Variants in DTNA observed in about 807,000 individuals in gnomAD.
The protein encoded by DTNA is dystrobrevin alpha.
A neutral mutation model predicts 100.7 loss-of-function variants in DTNA; 43 were observed. The ratio of observed to expected loss-of-function variants is 0.43; its 90% CI spans 0.33 to 0.55. The LOEUF (loss-of-function observed/expected upper bound fraction) is 0.55. Among genes scored for constraint, DTNA ranks in the 20% least tolerant of loss-of-function variants. The pLI is 0.04. For synonymous variants in DTNA, 349 were observed against 347.9 expected (o/e 1.00, Z -0.04); for missense variants, 798 against 953.9 (o/e 0.84, Z 2.15).
chr18:34,783,200 A>G (rs1189135337), intron 3 of DTNA, among the ~76,000 whole-genome samples: 1 of 152,150 alleles, frequency 6.6e-6, no homozygotes, highest in Non-Finnish European at 1.5e-5. Flanking sequence ...ATCCTTGTTC[A>G]ATTGAATGTT....
chr18:34,506,071 A>T (rs2040459124), intron 1 of DTNA, among the ~76,000 whole-genome samples: 2 of 152,194 alleles, frequency 1.3e-5, no homozygotes, highest in Non-Finnish European at 2.9e-5. Context: ...ACTTCACATT[A>T]CTGTAGGGCA....
intron 1 of DTNA, among the ~76,000 whole-genome samples, chr18:34,622,565 G>T (rs1568045521): frequency 6.6e-6 from 1 of 152,094 alleles, no homozygotes; most frequent in Non-Finnish European, 1.5e-5. Flanking sequence ...AGTGGACTGG[G>T]TGGGGAAGAT....
At chr18:34,810,092 C>T (rs1282588597) in intron 5 of DTNA, among the ~76,000 whole-genome samples, 1 of 152,142 alleles carries the variant, frequency 6.6e-6, no homozygotes, top group Admixed American at 6.5e-5. Context: ...TTCTAAGGAT[C>T]TTAAGGGATT....
At chr18:34,495,373 C>T (rs765367801) in intron 1 of DTNA, among the ~76,000 whole-genome samples, 1 of 152,172 alleles carries the variant, frequency 6.6e-6, no homozygotes, top group African/African-American at 2.4e-5. Flanking sequence ...AGTTGCATTT[C>T]ACCATAAAGT....
chr18:34,660,364 G>A (rs2075017132), intron 1 of DTNA, among the ~76,000 whole-genome samples: 1 of 151,148 alleles, frequency 6.6e-6, no homozygotes, highest in Non-Finnish European at 1.5e-5. Context: ...GAGATCTTAA[G>A]ACTTTTTGTA....
intron 1 of DTNA, among the ~76,000 whole-genome samples, chr18:34,533,810 G>A (rs1411593959): frequency 6.6e-6 from 1 of 152,052 alleles, no homozygotes; most frequent in Admixed American, 6.6e-5. Context: ...CTTGATTGAA[G>A]CATTCTATGG....
intron 1 of DTNA, among the ~76,000 whole-genome samples, chr18:34,612,562 A>G (rs1248974368): frequency 6.6e-6 from 1 of 152,150 alleles, no homozygotes; most frequent in East Asian, 1.9e-4. Context: ...GGTAATGTCC[A>G]CTTCCATCTT....
At position 34,537,773 on chromosome 18, in the gene DTNA, A is replaced by G. The variant is rs114802736; in HGVS notation, c.-2+44259A>G. Among the ~76,000 whole-genome samples the G allele has an allele frequency of 6.4e-3, 967 of 152,084 alleles. 12 individuals carry two copies. The highest frequency in any genetic ancestry group is 0.022 in the African/African-American group (915 of 41,528). Reference sequence around the variant, plus strand: ...CTAGTAAAGAGGAATAAGATGGGGAAATGGAGGAAATGTGTAGTAATGCTT... The same window carrying G: ...CTAGTAAAGAGGAATAAGATGGGGAGATGGAGGAAATGTGTAGTAATGCTT... On this transcript the variant is annotated intron_variant, in intron 1 of 19. Transcript: ENST00000283365.
intron 1 of DTNA, among the ~76,000 whole-genome samples, chr18:34,605,633 G>GCACACACACACACACA (rs3078088): frequency 1.4e-5 from 2 of 142,236 alleles, no homozygotes; most frequent in African/African-American, 5.2e-5. Context: ...TGCAACTCAG[G>GCACACACACACACACA]CACACACACA....
intron 1 of DTNA, among the ~76,000 whole-genome samples, chr18:34,532,981 T>C (rs907877630): frequency 1.3e-5 from 2 of 151,962 alleles, no homozygotes; most frequent in African/African-American, 4.8e-5. Flanking sequence ...ATACCATTAG[T>C]GCCATAATGC....
intron 1 of DTNA, among the ~76,000 whole-genome samples, chr18:34,660,189 GAAAATAA>G (rs2074987858): frequency 6.6e-6 from 1 of 152,028 alleles, no homozygotes; most frequent in Admixed American, 6.6e-5. Context: ...TGTGTAAACT[GAAAATAA>G]AATTCTAAGC....
chr18:34,552,881 G>T (rs527862988), intron 1 of DTNA, among the ~76,000 whole-genome samples: 1 of 141,728 alleles, frequency 7.1e-6, no homozygotes, highest in Non-Finnish European at 1.5e-5. Flanking sequence ...ATAGTCCTTT[G>T]GGTATATACC....
At chr18:34,811,121 A>C (rs1159123715) in intron 5 of DTNA, among the ~76,000 whole-genome samples, 6 of 152,242 alleles carry the variant, frequency 3.9e-5, no homozygotes, top group African/African-American at 7.2e-5. Context: ...GCATGGTGAC[A>C]AACTATATAA....
chr18:34,537,913 C>A (rs944990337), intron 1 of DTNA, among the ~76,000 whole-genome samples: 1 of 151,590 alleles, frequency 6.6e-6, no homozygotes, highest in Non-Finnish European at 1.5e-5. Flanking sequence ...AGATGCATAA[C>A]TTTAAAATCA....
At chr18:34,533,587 T>C (rs1330992339) in intron 1 of DTNA, among the ~76,000 whole-genome samples, 1 of 152,102 alleles carries the variant, frequency 6.6e-6, no homozygotes. Context: ...AGATTTGAGT[T>C]GAAGTGTTGT....
At chr18:34,756,709 G>A (rs1029254123) in intron 2 of DTNA, among the ~76,000 whole-genome samples, 1 of 152,188 alleles carries the variant, frequency 6.6e-6, no homozygotes, top group Admixed American at 6.5e-5. Flanking sequence ...ATTGGTTTAT[G>A]TAAGTGCACA....
At chr18:34,601,079 A>G (rs1409748880) in intron 1 of DTNA, among the ~76,000 whole-genome samples, 3 of 151,906 alleles carry the variant, frequency 2.0e-5, no homozygotes, top group Non-Finnish European at 4.4e-5. Context: ...TGCCTAGGGC[A>G]GGAAAGAATT....
chr18:34,767,865 A>G (rs2093570846), intron 3 of DTNA, among the ~76,000 whole-genome samples: 1 of 152,208 alleles, frequency 6.6e-6, no homozygotes, highest in Non-Finnish European at 1.5e-5. Context: ...TTGGTCACAC[A>G]TCATATATGT....
At chr18:34,795,907 T>C (rs186724894) in intron 4 of DTNA, among the ~76,000 whole-genome samples, 4 of 152,348 alleles carry the variant, frequency 2.6e-5, no homozygotes, top group Non-Finnish European at 4.4e-5. Flanking sequence ...AATATAGAGC[T>C]ATGAACGGTC....
Sources: allele counts gnomAD v4.1 joint callset (sites outside exome capture counted in the v4.1 genomes callset), GRCh38; gene constraint gnomAD v4.1.1; transcripts MANE v1.5; gene names NCBI Gene and HGNC (gene_info 2026-07-23, HGNC 2026-07-21).